Variants in SELENON observed in about 807,000 individuals in gnomAD.
SELENON encodes the protein selenoprotein N, 1.
SELENON carries 44 observed loss-of-function variants against 59.5 expected under a neutral mutation model. The observed-to-expected ratio is 0.74, with a 90% CI of 0.58 to 0.95. The LOEUF (loss-of-function observed/expected upper bound fraction) is 0.95. Among genes scored for constraint, SELENON ranks in the 40% least tolerant of loss-of-function variants. The pLI is 0.00. For missense variants in SELENON, 674 were observed against 721.4 expected (o/e 0.93, Z 0.75); for synonymous variants, 320 against 305.6 (o/e 1.05, Z -0.49).
Position 25,809,125 on chromosome 1 carries a change from G to A in SELENON, c.847G>A (p.Asp283Asn), listed in dbSNP as rs760149813. The stretch of plus-strand genomic sequence containing the variant: ...TGTGGCCTGCCTGACTGCCATCAGC[G>A]ACTTCTACTACACTGTGATGTTCCG... The change falls in exon 6 of 13, where the codon GAC (aspartate) becomes AAC (asparagine). Residue 283 changes from aspartate (D) to asparagine (N), a missense_variant. Physicochemically the swap from Asp to Asn is conservative, Grantham distance 23. Coordinates refer to ENST00000361547, the MANE Select transcript of SELENON (RefSeq NM_020451.3). 4.3e-6 allele frequency: 7 copies of A among 1,613,648 alleles called. No homozygotes were observed. Among genetic ancestry groups the A allele is most frequent in the Admixed American group, 3.3e-5 (2 of 60,010 alleles).
Position 25,808,591 on chromosome 1 carries a change from C to T in SELENON, c.549C>T (p.Leu183=), listed in dbSNP as rs532219233. 24 of 1,613,702 alleles carry T rather than the reference C, an allele frequency of 1.5e-5. No individual in the cohort carries two copies. The highest frequency in any genetic ancestry group is 2.7e-5 in the African/African-American group (2 of 74,984). Residue 183 remains leucine (L), a synonymous_variant, in exon 5 of 13, where the codon CTC becomes CTT. Coordinates refer to ENST00000361547, the MANE Select transcript of SELENON (RefSeq NM_020451.3). ...TTCCCCCGCCCCAGGTCTCCCGCCT[C>T]GCCCTGTCCGGCCTCCGAAACTGGA... is the stretch of plus-strand genomic sequence containing the variant.
At chr1:25,813,845 TGTG>T in intron 10 of SELENON, 33 bp from the exon 10 acceptor site, 3 of 1,533,770 alleles carry the variant, frequency 2.0e-6, no homozygotes, top group Non-Finnish European at 2.7e-6. Flanking sequence ...CCCAGCAAGA[TGTG>T]GGGGCGCCTC....
rs915174422 is a variant in SELENON at position 25,807,960 on chromosome 1, G to C, written c.538-620G>C. On this transcript the variant is annotated intron_variant, in intron 4 of 12. Coordinates refer to ENST00000361547, the MANE Select transcript of SELENON (RefSeq NM_020451.3). This position sits in a 1 kb window ranked among gnomAD's most constrained non-coding sequence, Gnocchi z 4.5. ...GCTGTACTTAAGGCAGGGCCCTTCT[G>C]GGGGTGGCCTTCCTTCCCCTTCCCT... 6.6e-6 allele frequency among the ~76,000 whole-genome samples: 1 copy of C among 152,212 alleles called. No homozygotes were observed. Among genetic ancestry groups the C allele is most frequent in the East Asian group, 1.9e-4 (1 of 5,186 alleles).
intron 3 of SELENON, among the ~76,000 whole-genome samples, chr1:25,804,760 A>G (rs182575803): frequency 3.6e-4 from 54 of 148,532 alleles, no homozygotes; most frequent in Middle Eastern, 3.6e-3. Flanking sequence ...TGCTTCATTC[A>G]TTACTCCGGT....
chr1:25,804,638 C>G (rs2047887594), intron 3 of SELENON, among the ~76,000 whole-genome samples: 1 of 36,832 alleles, frequency 2.7e-5, no homozygotes, highest in African/African-American at 1.8e-4. Flanking sequence ...GGGCAATGCC[C>G]CCCCCGCCCC....
intron 2 of SELENON, among the ~76,000 whole-genome samples, chr1:25,801,844 C>T (rs1270939589): frequency 6.6e-6 from 1 of 152,190 alleles, no homozygotes; most frequent in African/African-American, 2.4e-5. Flanking sequence ...GGCAGGCTCC[C>T]CAGTTTCCCA....
In SELENON at chr1:25,806,248, G is replaced by A. The variant is rs558280939; in HGVS notation, c.537+973G>A. On this transcript the variant is annotated intron_variant, in intron 4 of 12. Transcript: ENST00000361547. Reference sequence around the variant, plus strand: ...CATCCCAATCAGTGGGGCCAGGAGAGAAGGTGCCAGACCCCACCAAGGGCT... The same window carrying A: ...CATCCCAATCAGTGGGGCCAGGAGAAAAGGTGCCAGACCCCACCAAGGGCT... Among the ~76,000 whole-genome samples, 113 of 152,376 alleles carry A rather than the reference G, an allele frequency of 7.4e-4. 1 individual carries two copies. Among genetic ancestry groups the A allele is most frequent in the African/African-American group, 2.5e-3 (105 of 41,594 alleles).
Position 25,813,916 on chromosome 1 carries a change from A to G in SELENON, c.1423A>G (p.Ser475Gly). 1 of 1,614,112 alleles carries G rather than the reference A, an allele frequency of 6.2e-7. No homozygotes were observed. The highest frequency in any genetic ancestry group is 2.2e-5 in the East Asian group (1 of 44,874). The change falls in exon 11 of 13, where the codon AGT becomes GGT. Residue 475 changes from serine to glycine, a missense_variant. Transcript: ENST00000361547. Reference sequence around the variant, plus strand: ...GACTCTCCGGGAGACTGTCCTGGAAAGTTCGCCCATCCTCACCCTGCTCAA... The same window carrying G: ...GACTCTCCGGGAGACTGTCCTGGAAGGTTCGCCCATCCTCACCCTGCTCAA...
Position 25,815,693 on chromosome 1 carries a change from G to T in SELENON, c.1748G>T (p.Arg583Leu). Residue 583 changes from arginine to leucine, a missense_variant, in exon 13 of 13, where the codon CGT becomes CTT. By Grantham distance (102) the Arg-to-Leu change is moderately radical (BLOSUM62 -2). Transcript: ENST00000361547. ...CAGTTCCTGAAGGAGGGACTCCGGC[G>T]TGGCCTGCCCCTCCTCCAGCCCTAG... is the stretch of plus-strand genomic sequence containing the variant. 2 of 1,614,080 alleles carry T rather than the reference G, an allele frequency of 1.2e-6. No homozygotes were observed. The highest frequency in any genetic ancestry group is 1.7e-6 in the Non-Finnish European group (2 of 1,180,014).
intron 12 of SELENON, among the ~76,000 whole-genome samples, chr1:25,815,064 G>A (rs1241572774): frequency 6.6e-6 from 1 of 152,086 alleles, no homozygotes; most frequent in Non-Finnish European, 1.5e-5. Context: ...ATTGAATGCT[G>A]ATTCATTCAT....
intron 7 of SELENON, 99 bp from the exon 7 acceptor site, chr1:25,811,355 C>A: frequency 9.3e-7 from 1 of 1,078,646 alleles, no homozygotes; most frequent in Non-Finnish European, 1.4e-6. Context: ...TCAGTGTCCT[C>A]ATCTGGAAAG....
chr1:25,803,608 C>G (rs1477424767), intron 3 of SELENON, among the ~76,000 whole-genome samples: 1 of 152,006 alleles, frequency 6.6e-6, no homozygotes, highest in African/African-American at 2.4e-5. Flanking sequence ...CTCCATTTGA[C>G]AAATGAGAAA....
Position 25,801,114 on chromosome 1 carries a change from G to T in SELENON, c.255G>T (p.Met85Ile), listed in dbSNP as rs768141634. The stretch of plus-strand genomic sequence containing the variant: ...CCTCCTTGGACACTGACGGGGATAT[G>T]TACATCAGCCCTGAGGAGTTCAAAC... The change falls in exon 2 of 13, where the codon ATG becomes ATT. Residue 85 changes from methionine (M) to isoleucine (I), a missense_variant. Coordinates refer to ENST00000361547, the MANE Select transcript of SELENON (RefSeq NM_020451.3). The T allele has an allele frequency of 1.5e-5, 25 of 1,614,200 alleles. No homozygotes were observed. The highest frequency in any genetic ancestry group is 2.1e-5 in the Non-Finnish European group (25 of 1,180,020).
chr1:25,813,751 C>T lies in SELENON; in HGVS notation c.1388-130C>T. The T allele has an allele frequency of 4.0e-6, 3 of 752,716 alleles. No homozygotes were observed. In the South Asian group the frequency reaches 4.3e-5, roughly 11 times the overall value. 46.6% of individuals were successfully genotyped at this position (752,716 alleles called of 1,614,324 possible). A position where few individuals can be genotyped will look rare whatever the true frequency, so the allele number is the denominator to read the frequency against. On this transcript the variant is annotated intron_variant, in intron 10 of 12. Transcript: ENST00000361547. ...TATCATTTATTCAGCACCTACTCTA[C>T]CTCAGGCTCTTTGAATCTGTTATTT... is the stretch of plus-strand genomic sequence containing the variant.
In SELENON at chr1:25,800,244, GGCCGGGCCAACGCGGGCCGCCCA is replaced by G; in HGVS notation, c.18_40del (p.Gly7ArgfsTer68). ...CCAGCCGCAGCCATGGGCCGGGCCC[GGCCGGGCCAACGCGGGCCGCCCA>G]GCCCCGGCCCCGCCGCGCAGCCTCC... On this transcript the variant is annotated frameshift_variant, in exon 1 of 13. Coordinates refer to ENST00000361547, the MANE Select transcript of SELENON (RefSeq NM_020451.3). LOFTEE classifies it high-confidence loss of function. 1.1e-6 allele frequency: 1 copy of G among 877,462 alleles called. No homozygotes were observed. Among genetic ancestry groups the G allele is most frequent in the Non-Finnish European group, 1.4e-6 (1 of 735,184 alleles). 54.4% of individuals were successfully genotyped at this position (877,462 alleles called of 1,614,324 possible).
intron 4 of SELENON, 117 bp downstream of exon 3, chr1:25,805,392 G>C: frequency 7.0e-7 from 1 of 1,422,258 alleles, no homozygotes; most frequent in Non-Finnish European, 9.8e-7. Context: ...AGGCCCTGGA[G>C]GTCCATGTGC....
intron 7 of SELENON, among the ~76,000 whole-genome samples, chr1:25,811,178 C>T (rs774290185): frequency 2.8e-4 from 42 of 152,324 alleles, no homozygotes; most frequent in Non-Finnish European, 4.1e-4. Context: ...CTGGAGAGTA[C>T]ACGGGCCATG....
intron 10 of SELENON, among the ~76,000 whole-genome samples, chr1:25,813,075 A>G (rs2124453355): frequency 6.6e-6 from 1 of 152,238 alleles, no homozygotes; most frequent in African/African-American, 2.4e-5. Flanking sequence ...CAGTTTTCTC[A>G]ATAGTAAGAG....
intron 7 of SELENON, among the ~76,000 whole-genome samples, chr1:25,810,847 TGGA>T (rs1358073206): frequency 6.6e-6 from 1 of 152,150 alleles, no homozygotes; most frequent in African/African-American, 2.4e-5. Context: ...GGAGGGGGCC[TGGA>T]CTGTATGGGA....
Sources: gnomAD v4.1 joint callset for allele counts (sites outside exome capture counted in the v4.1 genomes callset) on GRCh38, gnomAD v4.1.1 for gene constraint, Gnocchi (gnomAD v3.1) non-coding constraint, MANE v1.5 for transcripts, NCBI Gene and HGNC (gene_info 2026-07-23, HGNC 2026-07-21) for gene names.